The following RASSF2 variants were observed in gnomAD, a reference collection of about 807,000 sequenced individuals.
RASSF2 encodes ras association domain-containing protein 2.
Under a neutral mutation model 46.3 loss-of-function variants are expected in RASSF2, and 34 were observed. The observed-to-expected ratio is 0.73, with a 90% confidence interval of 0.56 to 0.98. The LOEUF is 0.98. RASSF2 is among the 50% of genes least tolerant of loss of function. RASSF2 has a pLI of 0.00. For synonymous variants in RASSF2, 158 were observed against 162.5 expected (o/e 0.97, Z 0.21); for missense variants, 364 against 431.2 (o/e 0.84, Z 1.38).
At chr20:4,797,274 A>G (rs1926426932) in intron 4 of RASSF2, among the ~76,000 whole-genome samples, 3 of 152,184 alleles carry the variant, frequency 2.0e-5, no homozygotes, top group South Asian at 2.1e-4. Context: ...ACTGTCCCCA[A>G]GCAACCTGCC....
At chr20:4,802,874 G>A (rs1240985394) in intron 2 of RASSF2, among the ~76,000 whole-genome samples, 1 of 122,218 alleles carries the variant, frequency 8.2e-6, no homozygotes, top group African/African-American at 3.3e-5. Context: ...ACACGTGTAT[G>A]TGTGTGTGTA....
chr20:4,788,472 C>T (rs896453952), intron 8 of RASSF2, among the ~76,000 whole-genome samples: 2 of 152,182 alleles, frequency 1.3e-5, no homozygotes, highest in Non-Finnish European at 2.9e-5. Context: ...CACTTAACCA[C>T]GAGGATGCAT....
intron 2 of RASSF2, 44 bp from the exon 3 acceptor site, chr20:4,801,106 G>A: frequency 1.3e-6 from 2 of 1,517,210 alleles, no homozygotes; most frequent in Non-Finnish European, 1.8e-6. Flanking sequence ...CAAGTTGTGT[G>A]CTTGGGAACT....
chr20:4,810,248 C>T lies in RASSF2; in HGVS notation c.-32-9186G>A, dbSNP rs1338161955. Among the ~76,000 whole-genome samples, 5 of 152,208 alleles carry T rather than the reference C, an allele frequency of 3.3e-5. No individual in the cohort carries two copies. The East Asian group carries it at 7.7e-4, about 23-fold the overall frequency. On this transcript the variant is annotated intron_variant, in intron 2 of 11. Transcript: ENST00000379400. ...AGCAGTTGCATGAAGGATCCTTTCCCTTCCTTCCCACAGATGCCACTTGCA... is the reference window on the plus strand; with the variant it reads ...AGCAGTTGCATGAAGGATCCTTTCCTTTCCTTCCCACAGATGCCACTTGCA...
chr20:4,793,283 G>T (rs892077964), intron 5 of RASSF2, among the ~76,000 whole-genome samples: 2 of 152,142 alleles, frequency 1.3e-5, no homozygotes, highest in Admixed American at 1.3e-4. Flanking sequence ...AGCCAAAAAG[G>T]ACAAAGGGAG....
chr20:4,803,894 A>G (rs925602400), intron 2 of RASSF2, among the ~76,000 whole-genome samples: 3 of 152,092 alleles, frequency 2.0e-5, no homozygotes, highest in Admixed American at 2.0e-4. Context: ...TCCCATCTCT[A>G]CAAAAAATAA....
chr20:4,805,679 G>C (rs151086924), intron 2 of RASSF2, among the ~76,000 whole-genome samples: 1 of 152,118 alleles, frequency 6.6e-6, no homozygotes, highest in Non-Finnish European at 1.5e-5. Flanking sequence ...GAAATAATCC[G>C]GGAGAAGAGC....
intron 1 of RASSF2, among the ~76,000 whole-genome samples, chr20:4,822,896 C>T (rs988631694): frequency 6.6e-6 from 1 of 152,150 alleles, no homozygotes; most frequent in African/African-American, 2.4e-5. Flanking sequence ...CAGCCCTGCA[C>T]CTGCCGCGCC....
Position 4,785,507 on chromosome 20 carries a change from C to G in RASSF2, c.911+724G>C, listed in dbSNP as rs1046202592. Among the ~76,000 whole-genome samples, 8 of 152,198 alleles carry G rather than the reference C, an allele frequency of 5.3e-5. 1 individual carries two copies. The highest frequency in any genetic ancestry group is 1.7e-4 in the African/African-American group (7 of 41,442). On this transcript the variant is annotated intron_variant, in intron 11 of 11. Transcript: ENST00000379400. Reference sequence around the variant, plus strand: ...CCACCATATCTATGAAAGGCAGTCTCTTCTATGACTAAACATAGCAAAGAA... The same window carrying G: ...CCACCATATCTATGAAAGGCAGTCTGTTCTATGACTAAACATAGCAAAGAA...
At chr20:4,786,700 C>T (rs7274162) in intron 10 of RASSF2, among the ~76,000 whole-genome samples, 15,660 of 152,172 alleles carry the variant, frequency 0.1, 844 homozygotes, top group East Asian at 0.17. Flanking sequence ...ATCAGGGTTC[C>T]AGATGACGAT....
intron 2 of RASSF2, among the ~76,000 whole-genome samples, chr20:4,816,422 G>A (rs535450147): frequency 6.6e-5 from 10 of 152,262 alleles, no homozygotes; most frequent in Non-Finnish European, 8.8e-5. Context: ...TCATAAAGAC[G>A]GTAAGTAGAC....
rs1385215258 is a variant in RASSF2, at chr20:4,786,275, C to G, written c.867G>C (p.Lys289Asn). Residue 289 changes from lysine to asparagine, a missense_variant, in exon 11 of 12, where the codon AAG (lysine) becomes AAC (asparagine). Lys to Asn is a moderately conservative substitution (Grantham distance 94, BLOSUM62 0). Coordinates refer to ENST00000379400, the MANE Select transcript of RASSF2 (RefSeq NM_014737.3). ...EMPVLKSFIQ[K>N]LQEEEDREVK... ...CTTCCCGATCTTCTTCCTCCTGGAG[C>G]TTCTGAATGAAGCTTTTAAGTACCG... 1 of 1,613,632 alleles carries G rather than the reference C, an allele frequency of 6.2e-7. No homozygotes were observed. The highest frequency in any genetic ancestry group is 8.5e-7 in the Non-Finnish European group (1 of 1,179,624).
chr20:4,803,796 C>G (rs1229447192), intron 2 of RASSF2, among the ~76,000 whole-genome samples: 1 of 149,976 alleles, frequency 6.7e-6, no homozygotes, highest in Non-Finnish European at 1.5e-5. Context: ...CAGTGGCTCA[C>G]ACCTGTAATC....
At chr20:4,807,346 G>T (rs1208041602) in intron 2 of RASSF2, among the ~76,000 whole-genome samples, 1 of 146,800 alleles carries the variant, frequency 6.8e-6, no homozygotes, top group East Asian at 1.9e-4. Flanking sequence ...AAAAAAAAAG[G>T]AAACTATACA....
intron 2 of RASSF2, among the ~76,000 whole-genome samples, chr20:4,809,425 T>C (rs1318246694): frequency 6.6e-6 from 1 of 152,028 alleles, no homozygotes; most frequent in Non-Finnish European, 1.5e-5. Context: ...CCCCTATAAA[T>C]GACCCCTGGA....
At chr20:4,788,439 A>G (rs1050067029) in intron 8 of RASSF2, among the ~76,000 whole-genome samples, 171 bp from the exon 9 acceptor site, 1 of 152,238 alleles carries the variant, frequency 6.6e-6, no homozygotes, top group African/African-American at 2.4e-5. Flanking sequence ...AAGGCAGATG[A>G]CTTTATCAAT....
chr20:4,784,462 G>T (rs937303815), intron 11 of RASSF2, 120 bp from the exon 12 acceptor site: 17 of 841,108 alleles, frequency 2.0e-5, no homozygotes, highest in Admixed American at 1.9e-4. Flanking sequence ...CAAGTGCCCT[G>T]CTCCTTTGCT....
At position 4,788,248 on chromosome 20, in the gene RASSF2, C is replaced by G. The variant is rs1368041484; in HGVS notation, c.660G>C (p.Glu220Asp). Residue 220 changes from glutamate (E) to aspartate (D), a missense_variant, in exon 9 of 12, where the codon GAG becomes GAC. By Grantham distance (45) the Glu-to-Asp change is conservative. Transcript: ENST00000379400. ...TCGTATGGACCACGTACAAGGCAAA[C>G]TCCTCTGCTGAATTCTCAATCTGAA... ...NKFKIENSAE[E>D]FALYVVHTSG... 6.2e-7 allele frequency: 1 copy of G among 1,609,154 alleles called. No homozygotes were observed. The highest frequency in any genetic ancestry group is 8.5e-7 in the Non-Finnish European group (1 of 1,175,446).
chr20:4,798,027 G>T lies in RASSF2; in HGVS notation c.118C>A (p.Gln40Lys). 6.2e-7 allele frequency: 1 copy of T among 1,613,924 alleles called. No homozygotes were observed. Among genetic ancestry groups the T allele is most frequent in the South Asian group, 1.1e-5 (1 of 91,082 alleles). ...CTCCTTACCTCCCGGTGCCGGAGCT[G>T]TAAATTCTGGCCTTCATAGTACAAG... ...YNLYYEGQNL[Q>K]LRHREEEDEF... is the part of the protein sequence containing the mutation. The change falls in exon 4 of 12, where the codon CAG (glutamine) becomes AAG (lysine). Residue 40 changes from glutamine to lysine, a missense_variant. By Grantham distance (53) the Gln-to-Lys change is moderately conservative. Transcript: ENST00000379400.
Sources: allele counts gnomAD v4.1 joint callset (sites outside exome capture counted in the v4.1 genomes callset), GRCh38; gene constraint gnomAD v4.1.1; transcripts MANE v1.5; gene names NCBI Gene and HGNC (gene_info 2026-07-23, HGNC 2026-07-21).